The following HS6ST3 variants were observed in gnomAD, a reference collection of about 807,000 sequenced individuals.
The protein encoded by HS6ST3 is heparan-sulfate 6-O-sulfotransferase 3.
A neutral mutation model predicts 36.7 loss-of-function variants in HS6ST3; 12 were observed. That is an observed-to-expected ratio of 0.33 (90% CI 0.21 to 0.53). The LOEUF (loss-of-function observed/expected upper bound fraction) is 0.53, where lower values mean the gene tolerates loss of function less well. Ranked by LOEUF, HS6ST3 falls within the 20% of genes least tolerant of loss-of-function variation. HS6ST3 has a pLI of 0.95. For synonymous variants in HS6ST3, 240 were observed against 257.5 expected, an observed-to-expected ratio of 0.93 and a Z score of 0.65; for missense variants, 584 against 640.9, an observed-to-expected ratio of 0.91 and a Z score of 0.96.
Position 96,669,492 on chromosome 13 carries a change from G to C in HS6ST3, c.708-162998G>C, listed in dbSNP as rs530664452. ...CCATTTTTCTAGCCGGAACCCATCT[G>C]AGCTCACATTGAGGAAGGCTTCCTT... On this transcript the variant is annotated intron_variant, in intron 1 of 1. Coordinates refer to ENST00000376705, the MANE Select transcript of HS6ST3 (RefSeq NM_153456.4). Among the ~76,000 whole-genome samples, 29 of 152,256 alleles carry C rather than the reference G, an allele frequency of 1.9e-4. 2 individuals are homozygous for C. In the Middle Eastern group the frequency reaches 0.02, roughly 107 times the overall value.
At chr13:96,777,526 C>A (rs1877418663) in intron 1 of HS6ST3, among the ~76,000 whole-genome samples, 1 of 152,106 alleles carries the variant, frequency 6.6e-6, no homozygotes, top group Admixed American at 6.6e-5. Flanking sequence ...CATTCCTATA[C>A]ACCAATAACG....
intron 1 of HS6ST3, among the ~76,000 whole-genome samples, chr13:96,411,833 A>C (rs2055508927): frequency 6.6e-6 from 1 of 152,176 alleles, no homozygotes; most frequent in African/African-American, 2.4e-5. Flanking sequence ...GCTAAATGAT[A>C]GATGAATAGG....
intron 1 of HS6ST3, among the ~76,000 whole-genome samples, chr13:96,612,485 T>A (rs2138989483): frequency 6.6e-6 from 1 of 152,244 alleles, no homozygotes; most frequent in South Asian, 2.1e-4. Context: ...ATATAACAAA[T>A]TTAGCTCCAG....
In HS6ST3 at chr13:96,836,902, G is replaced by A. The variant is rs1263132210; in HGVS notation, c.*3704G>A. ...TCTCCTGTTGCTCTGTCATCCTAAT[G>A]TGCTGCATCCACCTCATGGACCAAG... On this transcript the variant is annotated 3_prime_UTR_variant, in exon 2 of 2. Coordinates refer to ENST00000376705, the MANE Select transcript of HS6ST3 (RefSeq NM_153456.4). 3 of 152,198 alleles carry A rather than the reference G, an allele frequency of 2.0e-5. No individual in the cohort carries two copies. The highest frequency in any genetic ancestry group is 2.1e-4 in the South Asian group (1 of 4,830). The allele number at this position is 152,198 out of a possible 1,614,324, so 9.4% of individuals were successfully genotyped here. A position where few individuals can be genotyped will look rare whatever the true frequency, so the allele number is the denominator to read the frequency against.
chr13:96,313,251 G>A (rs147880376), intron 1 of HS6ST3, among the ~76,000 whole-genome samples: 2,463 of 151,544 alleles, frequency 0.016, 64 homozygotes, highest in African/African-American at 0.057. Context: ...TTTTCTTATT[G>A]TCTTGCAAAC....
At chr13:96,641,606 G>A (rs2056570367) in intron 1 of HS6ST3, among the ~76,000 whole-genome samples, 1 of 151,556 alleles carries the variant, frequency 6.6e-6, no homozygotes, top group African/African-American at 2.4e-5. Flanking sequence ...CTTCTCTAGT[G>A]ATAAATAGAT....
intron 1 of HS6ST3, among the ~76,000 whole-genome samples, chr13:96,661,496 A>G (rs1015109240): frequency 6.6e-6 from 1 of 151,806 alleles, no homozygotes; most frequent in South Asian, 2.1e-4. Flanking sequence ...GTCTTTACCC[A>G]TTAGGTGGGT....
intron 1 of HS6ST3, among the ~76,000 whole-genome samples, chr13:96,733,424 G>A (rs950491769): frequency 2.6e-5 from 4 of 152,060 alleles, no homozygotes; most frequent in African/African-American, 9.7e-5. Flanking sequence ...CTATTGTGCT[G>A]TATCACATGT....
chr13:96,168,911 C>G (rs1255922068), intron 1 of HS6ST3, among the ~76,000 whole-genome samples: 2 of 151,992 alleles, frequency 1.3e-5, no homozygotes, highest in African/African-American at 4.8e-5. Context: ...TTTTTCAACC[C>G]TCACCCCATC....
intron 1 of HS6ST3, among the ~76,000 whole-genome samples, chr13:96,544,439 A>T (rs2056189710): frequency 6.6e-6 from 1 of 152,222 alleles, no homozygotes; most frequent in Admixed American, 6.5e-5. Context: ...ACCATGTTGT[A>T]CAAGACAATT....
intron 1 of HS6ST3, among the ~76,000 whole-genome samples, chr13:96,566,640 A>G (rs1436749657): frequency 6.6e-6 from 1 of 152,178 alleles, no homozygotes. Flanking sequence ...AACTCTTGTA[A>G]GAGAAAAAGT....
intron 1 of HS6ST3, among the ~76,000 whole-genome samples, chr13:96,805,868 G>T (rs1235891084): frequency 6.6e-6 from 1 of 152,120 alleles, no homozygotes; most frequent in Non-Finnish European, 1.5e-5. Flanking sequence ...ACTTTACATT[G>T]ATATCCAAGT....
chr13:96,368,060 G>A (rs974964364), intron 1 of HS6ST3, among the ~76,000 whole-genome samples: 5 of 152,122 alleles, frequency 3.3e-5, no homozygotes, highest in Non-Finnish European at 7.4e-5. Context: ...TTTTGCTCAA[G>A]GTTCCTTATG....
chr13:96,528,856 A>G (rs1462607987), intron 1 of HS6ST3, among the ~76,000 whole-genome samples: 1 of 152,160 alleles, frequency 6.6e-6, no homozygotes, highest in Admixed American at 6.5e-5. Flanking sequence ...TAAATGCAGA[A>G]GCAGATAGGG....
intron 1 of HS6ST3, among the ~76,000 whole-genome samples, chr13:96,465,619 C>T (rs1392938962): frequency 1.3e-5 from 2 of 152,054 alleles, no homozygotes; most frequent in Non-Finnish European, 2.9e-5. Flanking sequence ...TGAGGGTATG[C>T]TTAGAAAAAT....
At chr13:96,452,863 ACC>A (rs2055735043) in intron 1 of HS6ST3, among the ~76,000 whole-genome samples, 2 of 152,150 alleles carry the variant, frequency 1.3e-5, no homozygotes, top group South Asian at 4.1e-4. Context: ...CTACCCTACT[ACC>A]TGGGAGGAAT....
intron 1 of HS6ST3, among the ~76,000 whole-genome samples, chr13:96,479,320 A>G (rs1039518248): frequency 2.0e-5 from 3 of 152,216 alleles, no homozygotes; most frequent in African/African-American, 7.2e-5. Context: ...AGGTATTTCT[A>G]GGACTGAAGC....
chr13:96,638,206 A>C (rs1191491354), intron 1 of HS6ST3, among the ~76,000 whole-genome samples: 1 of 152,090 alleles, frequency 6.6e-6, no homozygotes, highest in Non-Finnish European at 1.5e-5. Context: ...GAAATATATA[A>C]TTCCACACTG....
chr13:96,740,524 T>C (rs1376026937), intron 1 of HS6ST3, among the ~76,000 whole-genome samples: 1 of 152,218 alleles, frequency 6.6e-6, no homozygotes, highest in Non-Finnish European at 1.5e-5. Context: ...CAACTATAAG[T>C]TGGGATGGAG....
Sources: allele counts gnomAD v4.1 joint callset (sites outside exome capture counted in the v4.1 genomes callset), GRCh38; gene constraint gnomAD v4.1.1; transcripts MANE v1.5; gene names NCBI Gene and HGNC (gene_info 2026-07-23, HGNC 2026-07-21).